Variants in DNAAF9 observed in about 807,000 individuals in gnomAD.
DNAAF9 encodes the protein shulin.
DNAAF9 carries 90 observed loss-of-function variants against 167.0 expected under a neutral mutation model. That is an observed-to-expected ratio of 0.54 (90% CI 0.45 to 0.64). The LOEUF is 0.64. Among genes scored for constraint, DNAAF9 ranks in the 30% least tolerant of loss-of-function variants. The probability of loss-of-function intolerance (pLI) is 0.00; values close to 1 mark genes in which losing one functional copy is unlikely to be tolerated. For synonymous variants in DNAAF9, 491 were observed against 508.8 expected (o/e 0.96, Z 0.47); for missense variants, 1,315 against 1,442.2 (o/e 0.91, Z 1.43).
chr20:3,306,836 C>T (rs6076505), intron 20 of DNAAF9: 1 of 914,968 alleles, frequency 1.1e-6, no homozygotes, highest in Non-Finnish European at 1.3e-6. Flanking sequence ...CAACACTCTC[C>T]TAAAACCACA....
At chr20:3,287,529 T>C (rs988060269) in intron 27 of DNAAF9, 103 bp downstream of exon 27, 39 of 1,081,568 alleles carry the variant, frequency 3.6e-5, no homozygotes, top group Non-Finnish European at 4.9e-5. Flanking sequence ...TGCTCATGCA[T>C]GTAGAGTCTG....
intron 10 of DNAAF9, among the ~76,000 whole-genome samples, chr20:3,338,976 T>C (rs1283151902): frequency 6.6e-6 from 1 of 151,998 alleles, no homozygotes; most frequent in East Asian, 1.9e-4. Context: ...ATTTTTTTTT[T>C]CTCTCATTGT....
At position 3,318,419 on chromosome 20, in the gene DNAAF9, C is replaced by A; in HGVS notation, c.1357-19G>T. 8.3e-7 allele frequency: 1 copy of A among 1,207,152 alleles called. No individual in the cohort carries two copies. The highest frequency in any genetic ancestry group is 1.2e-5 in the South Asian group (1 of 82,192). The allele number at this position is 1,207,152 out of a possible 1,614,324, so 74.8% of individuals were successfully genotyped here. The stretch of plus-strand genomic sequence containing the variant: ...TACAAGCCTGCATTGAATGAGAAAC[C>A]AGTTAGATCAGTTACCAGCCCAAAA... On this transcript the variant is annotated intron_variant, in intron 16 of 36. Coordinates refer to ENST00000252032, the MANE Select transcript of DNAAF9 (RefSeq NM_001009984.3).
chr20:3,341,878 C>T (rs2095336061), intron 9 of DNAAF9, among the ~76,000 whole-genome samples: 1 of 151,956 alleles, frequency 6.6e-6, no homozygotes, highest in Non-Finnish European at 1.5e-5. Flanking sequence ...CCCAGGTTCA[C>T]GCCATTCTCC....
chr20:3,279,819 T>C (rs941394318), intron 28 of DNAAF9, among the ~76,000 whole-genome samples: 2 of 152,194 alleles, frequency 1.3e-5, no homozygotes, highest in African/African-American at 4.8e-5. Context: ...CCCAGGTCTG[T>C]TTGGCACCAC....
Position 3,283,749 on chromosome 20 carries a change from T to C in DNAAF9, c.2487-1983A>G, listed in dbSNP as rs150959825. On this transcript the variant is annotated intron_variant, in intron 27 of 36. Coordinates refer to ENST00000252032, the MANE Select transcript of DNAAF9 (RefSeq NM_001009984.3). ...TGCTCACTCAGATTGTAGGCTTAAATTGCAAACATAAAACAGCCTACAGGA... is the reference window on the plus strand; with the variant it reads ...TGCTCACTCAGATTGTAGGCTTAAACTGCAAACATAAAACAGCCTACAGGA... 8.5e-5 allele frequency among the ~76,000 whole-genome samples: 13 copies of C among 152,274 alleles called. No homozygotes were observed. In the East Asian group the frequency reaches 1.9e-3, roughly 23 times the overall value.
intron 3 of DNAAF9, among the ~76,000 whole-genome samples, chr20:3,378,401 GCTT>G (rs2123234752): frequency 6.6e-6 from 1 of 152,220 alleles, no homozygotes; most frequent in East Asian, 1.9e-4. Flanking sequence ...AGTGGAAAGA[GCTT>G]CTATAAATAG....
intron 1 of DNAAF9, among the ~76,000 whole-genome samples, chr20:3,403,674 AAAC>A (rs751321509): frequency 4.6e-5 from 7 of 151,878 alleles, no homozygotes; most frequent in Admixed American, 1.3e-4. Context: ...GCCCATATAA[AAAC>A]AAAAAGAACT....
chr20:3,306,858 T>A (rs1050934640), intron 20 of DNAAF9: 2 of 975,732 alleles, frequency 2.0e-6, no homozygotes, highest in African/African-American at 3.5e-5. Context: ...CCCCACCAAC[T>A]CCTGCCACAA....
At chr20:3,390,205 A>G (rs746968045) in intron 1 of DNAAF9, among the ~76,000 whole-genome samples, 21 of 152,180 alleles carry the variant, frequency 1.4e-4, no homozygotes, top group Non-Finnish European at 1.3e-4. Context: ...ATAAGGAAAT[A>G]TTTAGAAGTG....
chr20:3,270,567 G>C lies in DNAAF9; in HGVS notation c.2651-5C>G. The C allele has an allele frequency of 6.2e-7, 1 of 1,612,010 alleles. No homozygotes were observed. Among genetic ancestry groups the C allele is most frequent in the Non-Finnish European group, 8.5e-7 (1 of 1,179,496 alleles). On this transcript the variant is annotated splice_region_variant and splice_polypyrimidine_tract_variant and intron_variant, in intron 29 of 36. Coordinates refer to ENST00000252032, the MANE Select transcript of DNAAF9 (RefSeq NM_001009984.3). ...ATACCACGTTACTCACCAGGCCTGG[G>C]AATAAAACCAAGGACAGTTTAGCCT...
rs1196350920 is a variant in DNAAF9 at position 3,315,013 on chromosome 20, T to C, written c.1678+20A>G. 12 of 1,496,292 alleles carry C rather than the reference T, an allele frequency of 8.0e-6. No homozygotes were observed. The highest frequency in any genetic ancestry group is 1.0e-5 in the Non-Finnish European group (11 of 1,075,052). 92.7% of individuals were successfully genotyped at this position (1,496,292 alleles called of 1,614,324 possible). A position where few individuals can be genotyped will look rare whatever the true frequency, so the allele number is the denominator to read the frequency against. On this transcript the variant is annotated intron_variant, in intron 20 of 36. Coordinates refer to ENST00000252032, the MANE Select transcript of DNAAF9 (RefSeq NM_001009984.3). This position sits in a 1 kb window ranked among gnomAD's most constrained non-coding sequence, Gnocchi z 4.1. The stretch of plus-strand genomic sequence containing the variant: ...AGGGACCCAGACATGGCCAAAAACA[T>C]TAAAGTCATAGCTCCTTACCTTCCT...
intron 6 of DNAAF9, among the ~76,000 whole-genome samples, chr20:3,370,845 G>GT (rs1490305405): frequency 3.3e-5 from 5 of 152,214 alleles, no homozygotes; most frequent in Admixed American, 1.3e-4. Flanking sequence ...GCCCTTTTCA[G>GT]TTTTTTTACA....
chr20:3,407,429 C>A (rs1450173520), intron 1 of DNAAF9, 46 bp downstream of exon 1: 4 of 1,268,010 alleles, frequency 3.2e-6, no homozygotes, highest in East Asian at 3.2e-5. Context: ...CCCGACAGCC[C>A]GCATCCCCCG....
At chr20:3,316,867 T>G in intron 17 of DNAAF9, 74 bp from the exon 18 acceptor site, 1 of 861,368 alleles carries the variant, frequency 1.2e-6, no homozygotes, top group Non-Finnish European at 1.9e-6. Flanking sequence ...AGACCCTAAA[T>G]GCCCTTCTCA....
At chr20:3,332,200 G>T in intron 11 of DNAAF9, 80 bp downstream of exon 11, 1 of 777,926 alleles carries the variant, frequency 1.3e-6, no homozygotes, top group South Asian at 1.6e-5. Flanking sequence ...GCAAAGTAGT[G>T]AATTGTATGT....
chr20:3,286,385 G>A (rs557713398), intron 27 of DNAAF9, among the ~76,000 whole-genome samples: 5 of 152,276 alleles, frequency 3.3e-5, no homozygotes, highest in South Asian at 2.1e-4. Flanking sequence ...GATGCTCTCC[G>A]AAGTGATGGA....
chr20:3,252,980 G>T (rs969367665), intron 36 of DNAAF9, among the ~76,000 whole-genome samples: 3 of 152,208 alleles, frequency 2.0e-5, no homozygotes, highest in Admixed American at 2.0e-4. Context: ...CTTGTAAATC[G>T]TGACTCTGAT....
chr20:3,367,403 T>C (rs900686278), intron 6 of DNAAF9, among the ~76,000 whole-genome samples: 1 of 152,236 alleles, frequency 6.6e-6, no homozygotes, highest in East Asian at 1.9e-4. Flanking sequence ...AACTTTTCCT[T>C]TGCATTCACA....
Sources: allele counts gnomAD v4.1 joint callset (sites outside exome capture counted in the v4.1 genomes callset), GRCh38; gene constraint gnomAD v4.1.1; non-coding constraint Gnocchi (gnomAD v3.1); transcripts MANE v1.5; gene names NCBI Gene and HGNC (gene_info 2026-07-23, HGNC 2026-07-21).